GPANK1: variants seen among roughly 807,000 people sequenced by gnomAD.
GPANK1 encodes the protein G patch domain and ankyrin repeat-containing protein 1.
A neutral mutation model predicts 24.0 loss-of-function variants in GPANK1; 22 were observed. The ratio of observed to expected loss-of-function variants is 0.92; its 90% CI spans 0.66 to 1.31. The LOEUF (loss-of-function observed/expected upper bound fraction) is 1.31, where lower values mean the gene tolerates loss of function less well. Ranked by LOEUF, GPANK1 falls within the 50% of genes most tolerant of loss-of-function variation. The pLI, the probability that GPANK1 is intolerant of heterozygous loss-of-function variation, is 0.00. For synonymous variants in GPANK1, 174 were observed against 177.4 expected, an observed-to-expected ratio of 0.98 and a Z score of 0.15; for missense variants, 469 against 453.5, an observed-to-expected ratio of 1.03 and a Z score of -0.31.
chr6:31,662,323 CT>C lies in GPANK1; in HGVS notation c.1013del (p.Glu338GlyfsTer11). ...CCCGCTCCCAAGCCCTGTCTTTCTC[CT>C]CCCTCCTTCTCTCCTCCCTCCAGCT... ...TLSWREERRR[E>X]EKDRAWERDL... On this transcript the variant is annotated frameshift_variant, in exon 3 of 3. Coordinates refer to ENST00000375896, the MANE Select transcript of GPANK1 (RefSeq NM_033177.4). LOFTEE classifies it high-confidence loss of function. The surrounding 1 kb of genome is among the most constrained non-coding windows in gnomAD (Gnocchi z 5.5). The C allele has an allele frequency of 6.3e-7, 1 of 1,594,628 alleles. No homozygotes were observed.
At chr6:31,665,399 C>CTGA (rs1450726137), upstream of GPANK1, 1 of 1,520,272 alleles carries the variant, frequency 6.6e-7, no homozygotes, top group African/African-American at 1.4e-5. Flanking sequence ...CTGCCCCTCA[C>CTGA]CATTACTCTG....
intron 2 of GPANK1, among the ~76,000 whole-genome samples, chr6:31,663,131 C>T (rs563766024): frequency 6.8e-6 from 1 of 146,958 alleles, no homozygotes; most frequent in East Asian, 2.0e-4. Flanking sequence ...AAAAAATATG[C>T]TTGAGCCCAG....
upstream of GPANK1, chr6:31,665,971 T>G (rs1801631910): frequency 6.9e-6 from 7 of 1,021,040 alleles, no homozygotes; most frequent in Non-Finnish European, 8.3e-6. Context: ...GGTAGTTCGC[T>G]TTCTCTCATT....
Position 31,664,202 on chromosome 6 carries a change from C to CA in GPANK1, c.276dup (p.Gly93TrpfsTer7). 1.2e-6 allele frequency: 2 copies of CA among 1,614,186 alleles called. No individual in the cohort carries two copies. The highest frequency in any genetic ancestry group is 1.7e-6 in the Non-Finnish European group (2 of 1,179,990). On this transcript the variant is annotated frameshift_variant, in exon 2 of 3. Coordinates refer to ENST00000375896, the MANE Select transcript of GPANK1 (RefSeq NM_033177.4). LOFTEE classifies it high-confidence loss of function. ...TCAGCCTCAAGGGATCTCCCTTGTC[C>CA]ATGTCTTCCTGATGCTCCTTCTGCC...
In GPANK1 at chr6:31,662,246, A is replaced by G. The variant is rs1468262304; in HGVS notation, c.*20T>C. The stretch of plus-strand genomic sequence containing the variant: ...CAAGTTCAGACTTCAGCAGCAGACT[A>G]GGGTCAGACTTTACCAAAGTCAGAA... On this transcript the variant is annotated 3_prime_UTR_variant, in exon 3 of 3. Transcript: ENST00000375896. The surrounding 1 kb of genome is among the most constrained non-coding windows in gnomAD (Gnocchi z 5.5). The G allele has an allele frequency of 6.7e-7, 1 of 1,485,250 alleles. No individual in the cohort carries two copies. The highest frequency in any genetic ancestry group is 1.3e-5 in the South Asian group (1 of 75,396). The allele number at this position is 1,485,250 out of a possible 1,614,324, so 92.0% of individuals were successfully genotyped here. A position where few individuals can be genotyped will look rare whatever the true frequency, so the allele number is the denominator to read the frequency against.
rs1800925653 is a variant in GPANK1 at position 31,662,049 on chromosome 6, G to C, written c.*217C>G. 1 of 420,712 alleles carries C rather than the reference G, an allele frequency of 2.4e-6. No individual in the cohort carries two copies. The highest frequency in any genetic ancestry group is 3.6e-5 in the East Asian group (1 of 28,110). 26.1% of individuals were successfully genotyped at this position (420,712 alleles called of 1,614,324 possible). On this transcript the variant is annotated 3_prime_UTR_variant, in exon 3 of 3. Transcript: ENST00000375896. This position sits in a 1 kb window ranked among gnomAD's most constrained non-coding sequence, Gnocchi z 5.5. ...ACTTGCATGTGGCTCCCAGGCTTCT[G>C]TTTGGCTTCCTCAAAATAGCTTCCA...
At chr6:31,664,606 A>C (rs546010681) in intron 1 of GPANK1, 29 bp from the exon 2 acceptor site, 2 of 681,588 alleles carry the variant, frequency 2.9e-6, no homozygotes, top group Non-Finnish European at 2.5e-6. Flanking sequence ...GTAGTCAAAA[A>C]CACTTTCCTG....
At chr6:31,665,275 T>C, upstream of GPANK1, 2 of 666,734 alleles carry the variant, frequency 3.0e-6, no homozygotes, top group Non-Finnish European at 5.4e-6. Flanking sequence ...TGGCCCCCGC[T>C]CCAAGCCCAT....
intron 2 of GPANK1, chr6:31,663,480 T>C (rs559101263): frequency 4.6e-6 from 1 of 217,802 alleles, no homozygotes; most frequent in Non-Finnish European, 8.9e-6. Context: ...CCTAGCAAAC[T>C]CTTGGGCAAG....
Position 31,662,047 on chromosome 6 carries a change from C to T in GPANK1, c.*219G>A. Reference sequence around the variant, plus strand: ...GGACTTGCATGTGGCTCCCAGGCTTCTGTTTGGCTTCCTCAAAATAGCTTC... The same window carrying T: ...GGACTTGCATGTGGCTCCCAGGCTTTTGTTTGGCTTCCTCAAAATAGCTTC... On this transcript the variant is annotated 3_prime_UTR_variant, in exon 3 of 3. Transcript: ENST00000375896. This position sits in a 1 kb window ranked among gnomAD's most constrained non-coding sequence, Gnocchi z 5.5. 2.4e-6 allele frequency: 1 copy of T among 420,016 alleles called. No individual in the cohort carries two copies. The highest frequency in any genetic ancestry group is 4.2e-6 in the Non-Finnish European group (1 of 238,528). The allele number at this position is 420,016 out of a possible 1,614,324, so 26.0% of individuals were successfully genotyped here. A position where few individuals can be genotyped will look rare whatever the true frequency, so the allele number is the denominator to read the frequency against.
upstream of GPANK1, chr6:31,666,097 C>A: frequency 3.0e-6 from 3 of 993,938 alleles, no homozygotes; most frequent in Non-Finnish European, 3.6e-6. Context: ...ACTCCCCCCA[C>A]CCCACTTCGC....
In GPANK1 at chr6:31,664,570, TCA is replaced by T. The variant is rs1177808073; in HGVS notation, c.-94_-93del. 1.0e-6 allele frequency: 1 copy of T among 963,888 alleles called. No individual in the cohort carries two copies. Among genetic ancestry groups the T allele is most frequent in the Non-Finnish European group, 1.6e-6 (1 of 632,270 alleles). 59.7% of individuals were successfully genotyped at this position (963,888 alleles called of 1,614,324 possible). On this transcript the variant is annotated 5_prime_UTR_variant, in exon 2 of 3. Transcript: ENST00000375896. ...TGGTGACCCTGTAGCAACCACAGCC[TCA>T]GAGACCTGCTGGGATGAGAAAAAGT...
chr6:31,666,123 C>T (rs2151179819), upstream of GPANK1: 1 of 994,698 alleles, frequency 1.0e-6, no homozygotes, highest in East Asian at 1.1e-4. Flanking sequence ...GCGGTCGGGT[C>T]CGCGGCCTGC....
upstream of GPANK1, chr6:31,666,110 G>A (rs1801659528): frequency 4.0e-5 from 40 of 992,750 alleles, no homozygotes; most frequent in Non-Finnish European, 4.8e-5. Flanking sequence ...CACTTCGCCT[G>A]CCGCGGTCGG....
chr6:31,664,773 C>A, intron 1 of GPANK1, 68 bp downstream of exon 1: 3 of 436,144 alleles, frequency 6.9e-6, no homozygotes, highest in Non-Finnish European at 1.2e-5. Flanking sequence ...CCGGCCCCCA[C>A]CCCCATCCTC....
chr6:31,664,241 C>G lies in GPANK1; in HGVS notation c.238G>C (p.Ala80Pro). 6.2e-7 allele frequency: 1 copy of G among 1,613,698 alleles called. No individual in the cohort carries two copies. The highest frequency in any genetic ancestry group is 1.3e-5 in the African/African-American group (1 of 75,052). The stretch of plus-strand genomic sequence containing the variant: ...GCTCCTTCTGCCACTGCTTCTGCTG[C>G]TGGTGCCTTCATTATTCTTCTTTTC... ...RKKRRIMKAP[A>P]AEAVAEGASG... is the part of the protein sequence containing the mutation. Residue 80 changes from alanine (A) to proline (P), a missense_variant, in exon 2 of 3, where the codon GCA becomes CCA. Coordinates refer to ENST00000375896, the MANE Select transcript of GPANK1 (RefSeq NM_033177.4).
At position 31,662,775 on chromosome 6, in the gene GPANK1, G is replaced by A; in HGVS notation, c.627-65C>T. The A allele has an allele frequency of 9.7e-7, 1 of 1,033,924 alleles. No individual in the cohort carries two copies. Among genetic ancestry groups the A allele is most frequent in the Non-Finnish European group, 1.4e-6 (1 of 696,804 alleles). 64.0% of individuals were successfully genotyped at this position (1,033,924 alleles called of 1,614,324 possible). A position where few individuals can be genotyped will look rare whatever the true frequency, so the allele number is the denominator to read the frequency against. ...GAAAAGGGGAAGAGTTGAGGCCTCAGAGGGGGCTGGCAGGGTAGAATAGGA... is the reference window on the plus strand; with the variant it reads ...GAAAAGGGGAAGAGTTGAGGCCTCAAAGGGGGCTGGCAGGGTAGAATAGGA... On this transcript the variant is annotated intron_variant, in intron 2 of 2. Coordinates refer to ENST00000375896, the MANE Select transcript of GPANK1 (RefSeq NM_033177.4). The surrounding 1 kb of genome is among the most constrained non-coding windows in gnomAD (Gnocchi z 5.5).
At chr6:31,666,207 C>T (rs1353121968), upstream of GPANK1, 9 of 990,992 alleles carry the variant, frequency 9.1e-6, no homozygotes, top group Non-Finnish European at 8.4e-6. Flanking sequence ...CCCGTCCAGC[C>T]GGTGAGTCTG....
rs1801007936 is a variant in GPANK1, at chr6:31,662,513, C to T, written c.824G>A (p.Gly275Glu). 6.2e-7 allele frequency: 1 copy of T among 1,612,540 alleles called. No homozygotes were observed. The highest frequency in any genetic ancestry group is 2.2e-5 in the East Asian group (1 of 44,868). The stretch of plus-strand genomic sequence containing the variant: ...ATTGGCACGGCCCTCACCCCGGGGT[C>T]CCAGCCCCATTCCTGGCTCCCAGCC... Reference protein sequence around the residue: ...RGGWEPGMGLGPRGEGRANPI... With the variant: ...RGGWEPGMGLEPRGEGRANPI... Residue 275 changes from glycine (G) to glutamate (E), a missense_variant, in exon 3 of 3, where the codon GGA becomes GAA. Coordinates refer to ENST00000375896, the MANE Select transcript of GPANK1 (RefSeq NM_033177.4). This position sits in a 1 kb window ranked among gnomAD's most constrained non-coding sequence, Gnocchi z 5.5.
Sources: allele counts gnomAD v4.1 joint callset (sites outside exome capture counted in the v4.1 genomes callset), GRCh38; gene constraint gnomAD v4.1.1; non-coding constraint Gnocchi (gnomAD v3.1); transcripts MANE v1.5; gene names NCBI Gene and HGNC (gene_info 2026-07-23, HGNC 2026-07-21).